Variants in ATP5PB observed in about 807,000 individuals in gnomAD.
ATP5PB encodes ATP synthase peripheral stalk subunit b, mitochondrial.
In ATP5PB, 21 loss-of-function variants were observed where a neutral mutation model predicts 34.5. That is an observed-to-expected ratio of 0.61 (90% CI 0.43 to 0.88). The LOEUF (loss-of-function observed/expected upper bound fraction) is 0.88, where lower values mean the gene tolerates loss of function less well. ATP5PB is among the 40% of genes least tolerant of loss of function. ATP5PB has a pLI of 0.00. For synonymous variants in ATP5PB, 108 were observed against 114.1 expected (o/e 0.95, Z 0.34); for missense variants, 293 against 317.4 (o/e 0.92, Z 0.58).
At chr1:111,453,496 T>C (rs568262630) in intron 2 of ATP5PB, among the ~76,000 whole-genome samples, 1 of 152,092 alleles carries the variant, frequency 6.6e-6, no homozygotes, top group East Asian at 1.9e-4. Context: ...ATGTGTGTTA[T>C]CTTACATAGA....
chr1:111,459,435 T>C (rs767198501), intron 5 of ATP5PB, 22 bp from the exon 6 acceptor site: 1 of 1,590,644 alleles, frequency 6.3e-7, no homozygotes, highest in South Asian at 1.1e-5. Flanking sequence ...ACAATATTTA[T>C]CATTTCTTAA....
chr1:111,454,027 C>A (rs568017014), intron 2 of ATP5PB, among the ~76,000 whole-genome samples, 184 bp from the exon 3 acceptor site: 2 of 152,224 alleles, frequency 1.3e-5, no homozygotes, highest in Non-Finnish European at 2.9e-5. Flanking sequence ...GTGATTAATT[C>A]TTTGCTGTTG....
At position 111,462,001 on chromosome 1, in the gene ATP5PB, G is replaced by T. The variant is rs575952218; in HGVS notation, c.*1007G>T. On this transcript the variant is annotated 3_prime_UTR_variant, in exon 7 of 7. Coordinates refer to ENST00000369722, the MANE Select transcript of ATP5PB (RefSeq NM_001688.5). ...AAGTTGGAACACTTGTGCACTGTTCGTAGAAATATGAAATGGTACAGCCAT... is the reference window on the plus strand; with the variant it reads ...AAGTTGGAACACTTGTGCACTGTTCTTAGAAATATGAAATGGTACAGCCAT... 5 of 151,996 alleles carry T rather than the reference G, an allele frequency of 3.3e-5. No homozygotes were observed. The highest frequency in any genetic ancestry group is 7.4e-5 in the Non-Finnish European group (5 of 68,016). The allele number at this position is 151,996 out of a possible 1,614,324, so 9.4% of individuals were successfully genotyped here. A position where few individuals can be genotyped will look rare whatever the true frequency, so the allele number is the denominator to read the frequency against.
At chr1:111,458,238 G>T (rs901567451) in intron 5 of ATP5PB, among the ~76,000 whole-genome samples, 3 of 152,222 alleles carry the variant, frequency 2.0e-5, no homozygotes, top group African/African-American at 7.2e-5. Context: ...AGGCGCATTG[G>T]CTCATGCCTA....
intron 2 of ATP5PB, 28 bp downstream of exon 2, chr1:111,449,901 G>A (rs541388936): frequency 6.2e-7 from 1 of 1,613,822 alleles, no homozygotes; most frequent in African/African-American, 1.3e-5. Context: ...GCTCCCTTTC[G>A]TCTTTGTTTT....
intron 3 of ATP5PB, among the ~76,000 whole-genome samples, 191 bp downstream of exon 3, chr1:111,454,547 G>T (rs868082796): frequency 6.6e-6 from 1 of 151,882 alleles, no homozygotes; most frequent in African/African-American, 2.4e-5. Flanking sequence ...ACCTCCCCAG[G>T]CTCAGGTCAT....
chr1:111,457,594 C>G (rs1383359034), intron 5 of ATP5PB, among the ~76,000 whole-genome samples: 3 of 151,926 alleles, frequency 2.0e-5, no homozygotes, highest in Non-Finnish European at 4.4e-5. Flanking sequence ...AGGATCTTGG[C>G]CAATATTTCT....
At chr1:111,460,256 C>G (rs774824325) in intron 6 of ATP5PB, among the ~76,000 whole-genome samples, 8 of 152,138 alleles carry the variant, frequency 5.3e-5, no homozygotes, top group Non-Finnish European at 1.2e-4. Context: ...ACCTGCATAA[C>G]TTGTCTGTTT....
chr1:111,449,916 A>G (rs1653264910), intron 2 of ATP5PB, 43 bp downstream of exon 2: 1 of 1,612,164 alleles, frequency 6.2e-7, no homozygotes, highest in Non-Finnish European at 8.5e-7. Flanking sequence ...TGTTTTCACT[A>G]CCTTTTATTT....
chr1:111,456,780 G>A (rs770048481), intron 5 of ATP5PB, 25 bp downstream of exon 5: 4 of 1,578,334 alleles, frequency 2.5e-6, no homozygotes, highest in East Asian at 2.3e-5. Flanking sequence ...TTTCTAGGAA[G>A]AATGAAGTTA....
At chr1:111,459,338 A>G in intron 5 of ATP5PB, 119 bp from the exon 6 acceptor site, 1 of 959,100 alleles carries the variant, frequency 1.0e-6, no homozygotes, top group South Asian at 2.1e-5. Flanking sequence ...TACCTATTAA[A>G]TAAAAGAATT....
intron 3 of ATP5PB, 114 bp downstream of exon 3, chr1:111,454,470 T>TGTTG: frequency 7.3e-7 from 1 of 1,362,592 alleles, no homozygotes; most frequent in Non-Finnish European, 9.9e-7. Flanking sequence ...TTGTTGTTGT[T>TGTTG]TTTTGAGACA....
rs1653433235 is a variant in ATP5PB at position 111,455,049 on chromosome 1, G to T, written c.223+693G>T. ...ACGAATAAAAATGAAGCCATGTAAG[G>T]CAAGAGTCCCCTGATTAAGTTTATG... On this transcript the variant is annotated intron_variant, in intron 3 of 6. Transcript: ENST00000369722. Among the ~76,000 whole-genome samples the T allele has an allele frequency of 3.3e-5, 5 of 152,260 alleles. No homozygotes were observed. The South Asian group carries it at 1.0e-3, about 32-fold the overall frequency.
At chr1:111,459,004 A>G (rs771403183) in intron 5 of ATP5PB, among the ~76,000 whole-genome samples, 1 of 152,258 alleles carries the variant, frequency 6.6e-6, no homozygotes, top group Non-Finnish European at 1.5e-5. Flanking sequence ...TCCAGCAAGT[A>G]TTATGACATA....
chr1:111,461,061 C>T lies in ATP5PB; in HGVS notation c.*67C>T, dbSNP rs915729331. Reference sequence around the variant, plus strand: ...ACTAAATGGAAACTAGTCTATTTGACAAAGTCTTTCTGTGTTGGTGTCTAC... The same window carrying T: ...ACTAAATGGAAACTAGTCTATTTGATAAAGTCTTTCTGTGTTGGTGTCTAC... On this transcript the variant is annotated 3_prime_UTR_variant, in exon 7 of 7. Coordinates refer to ENST00000369722, the MANE Select transcript of ATP5PB (RefSeq NM_001688.5). 2 of 1,423,044 alleles carry T rather than the reference C, an allele frequency of 1.4e-6. No homozygotes were observed. Among genetic ancestry groups the T allele is most frequent in the African/African-American group, 2.8e-5 (2 of 70,462 alleles). 88.2% of individuals were successfully genotyped at this position (1,423,044 alleles called of 1,614,324 possible).
At chr1:111,450,009 C>G in intron 2 of ATP5PB, 136 bp downstream of exon 2, 1 of 1,106,522 alleles carries the variant, frequency 9.0e-7, no homozygotes, top group Non-Finnish European at 1.4e-6. Flanking sequence ...CTCTTTCAGA[C>G]AAGACACTTG....
chr1:111,454,602 C>A lies in ATP5PB; in HGVS notation c.223+246C>A, dbSNP rs1057296279. Among the ~76,000 whole-genome samples the A allele has an allele frequency of 2.6e-5, 4 of 151,972 alleles. No individual in the cohort carries two copies. The South Asian group carries it at 8.3e-4, about 32-fold the overall frequency. On this transcript the variant is annotated intron_variant, in intron 3 of 6. Coordinates refer to ENST00000369722, the MANE Select transcript of ATP5PB (RefSeq NM_001688.5). ...GAGTAGCTGGGACTTGGCGTGCACCCGGCTCATTTTTCTATTTTTTTGTAG... is the reference window on the plus strand; with the variant it reads ...GAGTAGCTGGGACTTGGCGTGCACCAGGCTCATTTTTCTATTTTTTTGTAG...
chr1:111,455,983 G>GTCAT (rs1447680358), intron 3 of ATP5PB, 103 bp from the exon 4 acceptor site: 3 of 1,025,414 alleles, frequency 2.9e-6, no homozygotes, highest in Non-Finnish European at 4.0e-6. Context: ...ATCTAATTAA[G>GTCAT]TCATTACTTT....
intron 5 of ATP5PB, 106 bp from the exon 6 acceptor site, chr1:111,459,351 A>T: frequency 1.8e-6 from 2 of 1,081,296 alleles, no homozygotes; most frequent in Non-Finnish European, 1.3e-6. Context: ...AAAGAATTTC[A>T]CGTAAAATAC....
Sources: allele counts gnomAD v4.1 joint callset (sites outside exome capture counted in the v4.1 genomes callset), GRCh38; gene constraint gnomAD v4.1.1; transcripts MANE v1.5; gene names NCBI Gene and HGNC (gene_info 2026-07-23, HGNC 2026-07-21).